PIGN: variants seen among roughly 807,000 people sequenced by gnomAD.
PIGN encodes phosphatidylinositol glycan anchor biosynthesis class N.
Under a neutral mutation model 125.4 loss-of-function variants are expected in PIGN, and 117 were observed. That is an observed-to-expected ratio of 0.93 (90% CI 0.80 to 1.09). The LOEUF (loss-of-function observed/expected upper bound fraction) is 1.09, where lower values mean the gene tolerates loss of function less well. Among genes scored for constraint, PIGN ranks in the 50% least tolerant of loss-of-function variants. The pLI, the probability that PIGN is intolerant of heterozygous loss-of-function variation, is 0.00. For missense variants in PIGN, 1,075 were observed against 1,094.9 expected (o/e 0.98, Z 0.26); for synonymous variants, 392 against 377.8 (o/e 1.04, Z -0.44).
chr18:62,169,323 T>C (rs549005086), intron 1 of PIGN, among the ~76,000 whole-genome samples: 19 of 152,244 alleles, frequency 1.2e-4, no homozygotes, highest in Non-Finnish European at 2.9e-5. Flanking sequence ...TGCACAGATA[T>C]AGCATAATTT....
chr18:62,099,311 CAA>C (rs1357829202), intron 22 of PIGN, among the ~76,000 whole-genome samples: 2 of 151,912 alleles, frequency 1.3e-5, no homozygotes, highest in African/African-American at 4.8e-5. Flanking sequence ...CAAAAACAAT[CAA>C]TAAAGCAAAG....
intron 1 of PIGN, among the ~76,000 whole-genome samples, chr18:62,169,361 CTT>C (rs1047788367): frequency 1.3e-5 from 2 of 152,146 alleles, no homozygotes; most frequent in African/African-American, 4.8e-5. Context: ...TTAACAGACA[CTT>C]GTGTTGTTTC....
At chr18:62,138,457 A>C (rs1014007942) in intron 13 of PIGN, among the ~76,000 whole-genome samples, 159 bp from the exon 14 acceptor site, 2 of 152,218 alleles carry the variant, frequency 1.3e-5, no homozygotes, top group Non-Finnish European at 2.9e-5. Context: ...TTAAAGAAAA[A>C]TTTAACATTT....
At chr18:62,130,736 C>T (rs925228323) in intron 14 of PIGN, among the ~76,000 whole-genome samples, 1 of 152,062 alleles carries the variant, frequency 6.6e-6, no homozygotes, top group African/African-American at 2.4e-5. Flanking sequence ...CCCTTTCTTA[C>T]TCTGATTTTT....
At chr18:62,166,670 T>C (rs541816518) in intron 1 of PIGN, among the ~76,000 whole-genome samples, 6 of 152,130 alleles carry the variant, frequency 3.9e-5, no homozygotes, top group Non-Finnish European at 8.8e-5. Flanking sequence ...CCATTAATGA[T>C]AGACTGGATA....
chr18:62,092,605 T>C (rs370681413), intron 23 of PIGN, among the ~76,000 whole-genome samples: 1 of 152,166 alleles, frequency 6.6e-6, no homozygotes, highest in East Asian at 1.9e-4. Context: ...TGAAATAATG[T>C]TAATTAGAAA....
At chr18:62,151,162 T>C (rs1432226555) in intron 7 of PIGN, among the ~76,000 whole-genome samples, 1 of 152,128 alleles carries the variant, frequency 6.6e-6, no homozygotes, top group African/African-American at 2.4e-5. Flanking sequence ...ATTGAAACTA[T>C]TGTAGGTCAA....
intron 14 of PIGN, among the ~76,000 whole-genome samples, chr18:62,120,316 A>C (rs531946663): frequency 6.6e-5 from 10 of 152,250 alleles, no homozygotes; most frequent in Non-Finnish European, 1.3e-4. Context: ...AAAGAAAATA[A>C]CTGACAATCT....
At chr18:62,095,356 C>T (rs583873) in intron 23 of PIGN, among the ~76,000 whole-genome samples, 140,889 of 152,292 alleles carry the variant, frequency 0.93, 65,278 homozygotes, top group African/African-American at 0.98. Flanking sequence ...TTTGTTTTGG[C>T]AAGAAAATTT....
chr18:62,039,422 T>C (rs528533532), downstream of PIGN, among the ~76,000 whole-genome samples: 2 of 152,210 alleles, frequency 1.3e-5, no homozygotes, highest in East Asian at 1.9e-4. Flanking sequence ...CCTTAGTTTT[T>C]ACCTGATGTC....
intron 6 of PIGN, 129 bp from the exon 7 acceptor site, chr18:62,154,780 G>A: frequency 1.6e-6 from 1 of 618,534 alleles, no homozygotes; most frequent in South Asian, 2.0e-5. Context: ...ATTATGATGG[G>A]GAAGAGAAAA....
chr18:62,150,488 G>C (rs2036489972), intron 7 of PIGN, among the ~76,000 whole-genome samples: 1 of 152,148 alleles, frequency 6.6e-6, no homozygotes, highest in Admixed American at 6.5e-5. Flanking sequence ...AGAAGAAGAT[G>C]CATGAACTGA....
At chr18:62,080,375 G>A (rs532113653) in intron 28 of PIGN, among the ~76,000 whole-genome samples, 1 of 152,280 alleles carries the variant, frequency 6.6e-6, no homozygotes, top group Admixed American at 6.5e-5. Flanking sequence ...ATCTCAAACT[G>A]TGAAATGAAC....
At chr18:62,171,975 A>C (rs1258096075) in intron 1 of PIGN, among the ~76,000 whole-genome samples, 1 of 152,130 alleles carries the variant, frequency 6.6e-6, no homozygotes, top group Non-Finnish European at 1.5e-5. Context: ...TGAGTTGGGA[A>C]ATGCTGTTCC....
chr18:62,087,326 G>A (rs2033754355), intron 25 of PIGN, among the ~76,000 whole-genome samples: 1 of 152,200 alleles, frequency 6.6e-6, no homozygotes, highest in Non-Finnish European at 1.5e-5. Context: ...ATGTTAAAGT[G>A]TGGTCAGGTA....
chr18:62,159,943 C>T lies in PIGN; in HGVS notation c.221+1190G>A, dbSNP rs369062904. On this transcript the variant is annotated intron_variant, in intron 4 of 30. Transcript: ENST00000640252. Reference sequence around the variant, plus strand: ...CCTGGCTAACACGGTGAAATCCCGTCTCTACCAAAAATACAAAAAATTAGC... The same window carrying T: ...CCTGGCTAACACGGTGAAATCCCGTTTCTACCAAAAATACAAAAAATTAGC... Among the ~76,000 whole-genome samples, 36 of 152,258 alleles carry T rather than the reference C, an allele frequency of 2.4e-4. No individual in the cohort carries two copies. The South Asian group carries it at 7.0e-3, about 30-fold the overall frequency.
chr18:62,157,534 T>C (rs536974332), intron 5 of PIGN, among the ~76,000 whole-genome samples, 153 bp downstream of exon 5: 2 of 152,352 alleles, frequency 1.3e-5, no homozygotes, highest in Admixed American at 1.3e-4. Flanking sequence ...CTGGAGTCAG[T>C]ACCAGTGGGT....
At chr18:62,156,099 G>A (rs898256466) in intron 6 of PIGN, among the ~76,000 whole-genome samples, 3 of 152,120 alleles carry the variant, frequency 2.0e-5, no homozygotes, top group African/African-American at 7.2e-5. Context: ...AGCATTTAAT[G>A]ACATGAAATT....
At chr18:62,029,301 C>G (rs1212986280) in intron 23 of PIGN, among the ~76,000 whole-genome samples, 1 of 152,076 alleles carries the variant, frequency 6.6e-6, no homozygotes, top group Non-Finnish European at 1.5e-5. Context: ...TTCTCATATT[C>G]CCACCAGCCT....
Sources: gnomAD v4.1 joint callset for allele counts (sites outside exome capture counted in the v4.1 genomes callset) on GRCh38, gnomAD v4.1.1 for gene constraint, MANE v1.5 for transcripts, NCBI Gene and HGNC (gene_info 2026-07-23, HGNC 2026-07-21) for gene names.